FAM199X: variants seen among roughly 807,000 people sequenced by gnomAD.
FAM199X encodes the protein family with sequence similarity 199, X-linked.
In FAM199X, 4 loss-of-function variants were observed where a neutral mutation model predicts 22.9. The observed-to-expected ratio is 0.17, with a 90% confidence interval of 0.09 to 0.40. The LOEUF (loss-of-function observed/expected upper bound fraction) is 0.40. Among genes scored for constraint, FAM199X ranks in the 10% least tolerant of loss-of-function variants. The pLI, the probability that FAM199X is intolerant of heterozygous loss-of-function variation, is 1.00. For missense variants in FAM199X, 183 were observed against 306.8 expected, an observed-to-expected ratio of 0.60 and a Z score of 3.01; for synonymous variants, 101 against 112.3, an observed-to-expected ratio of 0.90 and a Z score of 0.64.
At chrX:104,177,434 CA>C (rs1344792409) in intron 2 of FAM199X, among the ~76,000 whole-genome samples, 1 of 111,993 alleles carries the variant, frequency 8.9e-6, no homozygotes, top group Non-Finnish European at 1.9e-5. Flanking sequence ...CATTCAGGTT[CA>C]AGTTTCTATG....
At chrX:104,188,872 A>T (rs1921867375) in intron 5 of FAM199X, among the ~76,000 whole-genome samples, 1 of 110,631 alleles carries the variant, frequency 9.0e-6, no homozygotes, top group Non-Finnish European at 1.9e-5. Context: ...TTAGCAGGGG[A>T]GTTTGATTCC....
chrX:104,187,931 G>A, intron 4 of FAM199X, 109 bp from the exon 5 acceptor site: 1 of 959,593 alleles, frequency 1.0e-6, no homozygotes, highest in Non-Finnish European at 1.4e-6. Flanking sequence ...TGCATCTGCA[G>A]CACTTTTGAC....
Position 104,189,625 on chromosome X carries a change from G to C in FAM199X, c.1014G>C (p.Arg338=). The C allele has an allele frequency of 8.3e-7, 1 of 1,211,917 alleles. No homozygotes were observed. The highest frequency in any genetic ancestry group is 1.1e-6 in the Non-Finnish European group (1 of 895,546). ...TTTGACAGAAGCGATCCAAGCAGCGGAAGTTACAGCAGAAGGCCTTCCGCA... is the reference window on the plus strand; with the variant it reads ...TTTGACAGAAGCGATCCAAGCAGCGCAAGTTACAGCAGAAGGCCTTCCGCA... The part of the protein sequence containing the change: ...IRDSKKRSKQ[R]KLQQKAFRKR... Residue 338 remains arginine, a synonymous_variant, in exon 6 of 6, where the codon CGG becomes CGC. Transcript: ENST00000493442.
intron 4 of FAM199X, among the ~76,000 whole-genome samples, chrX:104,187,615 T>C (rs1602522317): frequency 8.9e-6 from 1 of 112,325 alleles, no homozygotes; most frequent in East Asian, 2.8e-4. Context: ...AAGACAGGTA[T>C]TGTTGGCCCC....
chrX:104,187,941 C>T, intron 4 of FAM199X, 99 bp from the exon 5 acceptor site: 1 of 1,023,882 alleles, frequency 9.8e-7, no homozygotes. Flanking sequence ...GCACTTTTGA[C>T]AGTCTTTTAG....
chrX:104,160,565 T>C, the FAM199X span, among the ~76,000 whole-genome samples: 1 of 112,375 alleles, frequency 8.9e-6, no homozygotes, highest in South Asian at 3.7e-4. Context: ...AGATACCTGA[T>C]AAGCATGCTC....
intron 2 of FAM199X, among the ~76,000 whole-genome samples, chrX:104,185,761 C>T (rs1438018250): frequency 9.0e-6 from 1 of 110,942 alleles, no homozygotes; most frequent in Non-Finnish European, 1.9e-5. Context: ...CAGGCCACCA[C>T]ACCCAGCTAA....
At position 104,166,781 on chromosome X, in the gene FAM199X, C is replaced by T; in HGVS notation, c.-5C>T. 1 of 1,200,057 alleles carries T rather than the reference C, an allele frequency of 8.3e-7. No homozygotes were observed. Among genetic ancestry groups the T allele is most frequent in the African/African-American group, 1.7e-5 (1 of 57,607 alleles). Reference sequence around the variant, plus strand: ...GAGGGAGCCCGAGCCAGGCCATCTCCAACCATGTCCGACGAGGCCTCGGCC... The same window carrying T: ...GAGGGAGCCCGAGCCAGGCCATCTCTAACCATGTCCGACGAGGCCTCGGCC... On this transcript the variant is annotated 5_prime_UTR_variant, in exon 1 of 6. Transcript: ENST00000493442.
rs782665604 is a variant in FAM199X at position 104,193,449 on chromosome X, G to T, written c.*3671G>T. 12 of 111,963 alleles carry T rather than the reference G, an allele frequency of 1.1e-4. No homozygotes were observed. The highest frequency in any genetic ancestry group is 3.6e-4 in the African/African-American group (11 of 30,951). The allele number at this position is 111,963 out of a possible 1,213,427, so 9.2% of individuals were successfully genotyped here. A position where few individuals can be genotyped will look rare whatever the true frequency, so the allele number is the denominator to read the frequency against. Reference sequence around the variant, plus strand: ...TAGGCAAAAGCACTTCAAGGACAGAGATTATGTAGCAAGTTGATTCTCTAG... The same window carrying T: ...TAGGCAAAAGCACTTCAAGGACAGATATTATGTAGCAAGTTGATTCTCTAG... On this transcript the variant is annotated 3_prime_UTR_variant, in exon 6 of 6. Coordinates refer to ENST00000493442, the MANE Select transcript of FAM199X (RefSeq NM_207318.4).
upstream of FAM199X, among the ~76,000 whole-genome samples, chrX:104,162,591 ATCT>A (rs1332182720): frequency 8.9e-6 from 1 of 111,963 alleles, no homozygotes; most frequent in African/African-American, 3.2e-5. Flanking sequence ...AACCTCACTA[ATCT>A]TCTTTCTCCC....
intron 2 of FAM199X, among the ~76,000 whole-genome samples, chrX:104,178,788 G>A (rs1198896263): frequency 9.0e-6 from 1 of 111,510 alleles, no homozygotes; most frequent in Non-Finnish European, 1.9e-5. Context: ...AGTTATTATA[G>A]CTTTTCAGTA....
chrX:104,171,261 A>T (rs782217157), intron 1 of FAM199X, among the ~76,000 whole-genome samples: 150 of 105,546 alleles, frequency 1.4e-3, no homozygotes, highest in African/African-American at 4.8e-3. Flanking sequence ...TCTTGGCTTT[A>T]TTTTTTTTTT....
At chrX:104,157,792 G>A in the FAM199X span, among the ~76,000 whole-genome samples, 1 of 111,924 alleles carries the variant, frequency 8.9e-6, no homozygotes, top group Non-Finnish European at 1.9e-5. Flanking sequence ...CTGCTGATAT[G>A]GAAATTACTA....
rs1237983160 is a variant in FAM199X at position 104,192,532 on chromosome X, T to C, written c.*2754T>C. 9.0e-6 allele frequency: 1 copy of C among 111,469 alleles called. No individual in the cohort carries two copies. Among genetic ancestry groups the C allele is most frequent in the Non-Finnish European group, 1.9e-5 (1 of 52,910 alleles). The allele number at this position is 111,469 out of a possible 1,213,427, so 9.2% of individuals were successfully genotyped here. On this transcript the variant is annotated 3_prime_UTR_variant, in exon 6 of 6. Transcript: ENST00000493442. ...TAGAGATCTTATAGTAGTATCTCAG[T>C]TCCTACTACAGCTTTCTAAAGGATG... is the stretch of plus-strand genomic sequence containing the variant.
At position 104,194,569 on chromosome X, in the gene FAM199X, G is replaced by A. The variant is rs1297340609; in HGVS notation, c.*4791G>A. Reference sequence around the variant, plus strand: ...AGCTGAGGCTTTTAACAATGGAGCAGATAATGTCTGTTCCTGTAGTGGATC... The same window carrying A: ...AGCTGAGGCTTTTAACAATGGAGCAAATAATGTCTGTTCCTGTAGTGGATC... On this transcript the variant is annotated 3_prime_UTR_variant, in exon 6 of 6. Coordinates refer to ENST00000493442, the MANE Select transcript of FAM199X (RefSeq NM_207318.4). 1 of 111,836 alleles carries A rather than the reference G, an allele frequency of 8.9e-6. No homozygotes were observed. The highest frequency in any genetic ancestry group is 1.9e-5 in the Non-Finnish European group (1 of 53,058). 9.2% of individuals were successfully genotyped at this position (111,836 alleles called of 1,213,427 possible).
Position 104,189,968 on chromosome X carries a change from T to C in FAM199X, c.*190T>C. On this transcript the variant is annotated 3_prime_UTR_variant, in exon 6 of 6. Coordinates refer to ENST00000493442, the MANE Select transcript of FAM199X (RefSeq NM_207318.4). ...CACTTGAGAAGTTGTTAGGAATGCA[T>C]ACTAGTGGGCCCCGCCCCCAGACAT... 1 of 418,581 alleles carries C rather than the reference T, an allele frequency of 2.4e-6. No homozygotes were observed. Among genetic ancestry groups the C allele is most frequent in the East Asian group, 4.1e-5 (1 of 24,297 alleles). The allele number at this position is 418,581 out of a possible 1,213,427, so 34.5% of individuals were successfully genotyped here. A position where few individuals can be genotyped will look rare whatever the true frequency, so the allele number is the denominator to read the frequency against.
chrX:104,163,365 C>T (rs1484617042), upstream of FAM199X, among the ~76,000 whole-genome samples: 2 of 111,737 alleles, frequency 1.8e-5, no homozygotes, highest in African/African-American at 3.3e-5. Flanking sequence ...CTCAGATCTT[C>T]AGAGAAAATA....
rs1376898905 is a variant in FAM199X at position 104,190,430 on chromosome X, CCTTAT to C, written c.*656_*660del. 30 of 111,133 alleles carry C rather than the reference CCTTAT, an allele frequency of 2.7e-4. No homozygotes were observed. The highest frequency in any genetic ancestry group is 2.7e-3 in the Admixed American group (28 of 10,459). 9.2% of individuals were successfully genotyped at this position (111,133 alleles called of 1,213,427 possible). A position where few individuals can be genotyped will look rare whatever the true frequency, so the allele number is the denominator to read the frequency against. ...TTGACTCAAAGGTATTAGAACAGGC[CCTTAT>C]CTTTTTCCTATTAGATTTATTTTTG... On this transcript the variant is annotated 3_prime_UTR_variant, in exon 6 of 6. Coordinates refer to ENST00000493442, the MANE Select transcript of FAM199X (RefSeq NM_207318.4).
chrX:104,164,187 G>A (rs1036894578), upstream of FAM199X, among the ~76,000 whole-genome samples: 1 of 112,246 alleles, frequency 8.9e-6, no homozygotes, highest in Non-Finnish European at 1.9e-5. Context: ...CCCTAGAAAC[G>A]TGAACATACT....
Sources: gnomAD v4.1 joint callset for allele counts (sites outside exome capture counted in the v4.1 genomes callset) on GRCh38, gnomAD v4.1.1 for gene constraint, MANE v1.5 for transcripts, NCBI Gene and HGNC (gene_info 2026-07-23, HGNC 2026-07-21) for gene names.